Variants in LYZL4 observed in about 807,000 individuals in gnomAD.
LYZL4 encodes lysozyme-like protein 4.
Under a neutral mutation model 17.6 loss-of-function variants are expected in LYZL4, and 13 were observed. The observed-to-expected ratio is 0.74, with a 90% confidence interval of 0.48 to 1.18. LYZL4 has a LOEUF of 1.18. Ranked by LOEUF, LYZL4 falls within the 50% of genes most tolerant of loss-of-function variation. LYZL4 has a pLI of 0.00. For synonymous variants in LYZL4, 64 were observed against 67.7 expected (o/e 0.95, Z 0.27); for missense variants, 174 against 188.2 (o/e 0.92, Z 0.44).
At chr3:42,384,259 C>G in the LYZL4 span, among the ~76,000 whole-genome samples, 13 of 152,112 alleles carry the variant, frequency 8.5e-5, no homozygotes, top group African/African-American at 3.1e-4. Flanking sequence ...TTCAGACATG[C>G]AACATCTCAA....
the LYZL4 span, among the ~76,000 whole-genome samples, chr3:42,368,802 A>G: frequency 7.9e-5 from 12 of 152,220 alleles, no homozygotes; most frequent in Non-Finnish European, 1.5e-4. Context: ...TCTGTATATT[A>G]TCATTTAAAA....
chr3:42,403,630 C>A (rs1222071871), intron 4 of LYZL4, among the ~76,000 whole-genome samples: 1 of 152,090 alleles, frequency 6.6e-6, no homozygotes, highest in African/African-American at 2.4e-5. Context: ...TGCAGTAAAT[C>A]TACATTTTAC....
At chr3:42,379,794 T>C in the LYZL4 span, among the ~76,000 whole-genome samples, 26 of 152,184 alleles carry the variant, frequency 1.7e-4, no homozygotes. Flanking sequence ...AACTCATATG[T>C]TGAAATCCTA....
rs200997873 is a variant in LYZL4, at chr3:42,407,256, T to C, written c.-5A>G. The C allele has an allele frequency of 2.0e-5, 32 of 1,613,982 alleles. No individual in the cohort carries two copies. The African/African-American group carries it at 4.3e-4, about 22-fold the overall frequency. On this transcript the variant is annotated 5_prime_UTR_variant, in exon 2 of 5. Transcript: ENST00000287748. ...GAGAACCACGGATGCCTTCATCTTCTCCAGGCTCCTGGCAGGTCAGGGCAA... is the reference window on the plus strand; with the variant it reads ...GAGAACCACGGATGCCTTCATCTTCCCCAGGCTCCTGGCAGGTCAGGGCAA...
In LYZL4 at chr3:42,407,354, G is replaced by A; in HGVS notation, c.-92-11C>T. 4.0e-6 allele frequency: 6 copies of A among 1,499,436 alleles called. No homozygotes were observed. Among genetic ancestry groups the A allele is most frequent in the South Asian group, 3.7e-5 (3 of 80,962 alleles). 92.9% of individuals were successfully genotyped at this position (1,499,436 alleles called of 1,614,324 possible). A position where few individuals can be genotyped will look rare whatever the true frequency, so the allele number is the denominator to read the frequency against. On this transcript the variant is annotated splice_polypyrimidine_tract_variant and intron_variant, in intron 1 of 4. Coordinates refer to ENST00000287748, the MANE Select transcript of LYZL4 (RefSeq NM_144634.4). ...AGGGAAAGAAGGGCACTGTGGGGGT[G>A]GGGGTGGAGCACAGTTCAGTGTCAT...
At chr3:42,376,073 C>T in the LYZL4 span, among the ~76,000 whole-genome samples, 3 of 152,122 alleles carry the variant, frequency 2.0e-5, no homozygotes, top group Non-Finnish European at 4.4e-5. Context: ...AAGATTCTAC[C>T]CACATAAGGG....
downstream of LYZL4, among the ~76,000 whole-genome samples, chr3:42,393,588 A>G (rs528225679): frequency 6.6e-6 from 1 of 152,312 alleles, no homozygotes; most frequent in African/African-American, 2.4e-5. Flanking sequence ...TAAGTGGCAG[A>G]GCCAGGAACG....
intron 4 of LYZL4, among the ~76,000 whole-genome samples, chr3:42,399,914 C>T (rs1201731877): frequency 6.6e-6 from 1 of 150,550 alleles, no homozygotes; most frequent in Non-Finnish European, 1.5e-5. Flanking sequence ...TGAAAGTCAT[C>T]ACAGTTTTTG....
the LYZL4 span, among the ~76,000 whole-genome samples, chr3:42,388,072 CT>C: frequency 6.6e-5 from 10 of 152,004 alleles, no homozygotes; most frequent in African/African-American, 2.4e-4. Context: ...CTTTTCCCCC[CT>C]GTTCATTCAT....
chr3:42,403,996 A>T, intron 4 of LYZL4, 50 bp downstream of exon 4: 1 of 1,296,334 alleles, frequency 7.7e-7, no homozygotes, highest in Non-Finnish European at 1.1e-6. Flanking sequence ...CAGATTAGAG[A>T]TCATGAGTGA....
At chr3:42,388,583 G>A in the LYZL4 span, among the ~76,000 whole-genome samples, 1 of 152,226 alleles carries the variant, frequency 6.6e-6, no homozygotes, top group Admixed American at 6.5e-5. Flanking sequence ...AACGCTTCTT[G>A]AGATGCTCAG....
At chr3:42,393,931 A>T (rs1321368070), downstream of LYZL4, among the ~76,000 whole-genome samples, 1 of 152,160 alleles carries the variant, frequency 6.6e-6, no homozygotes, top group African/African-American at 2.4e-5. Context: ...AGCTGGGACT[A>T]TAGGCATCCA....
the LYZL4 span, among the ~76,000 whole-genome samples, chr3:42,387,314 G>A: frequency 6.6e-6 from 1 of 152,132 alleles, no homozygotes; most frequent in Non-Finnish European, 1.5e-5. Context: ...TTGCAATGAA[G>A]GACTTCATGA....
At chr3:42,369,427 G>A in the LYZL4 span, among the ~76,000 whole-genome samples, 1 of 152,212 alleles carries the variant, frequency 6.6e-6, no homozygotes, top group Non-Finnish European at 1.5e-5. Flanking sequence ...GCTGCCTCTG[G>A]AACCTGAAGT....
the LYZL4 span, among the ~76,000 whole-genome samples, chr3:42,388,273 G>A: frequency 6.6e-6 from 1 of 152,164 alleles, no homozygotes; most frequent in Admixed American, 6.5e-5. Flanking sequence ...CCAGTCCAAG[G>A]GTCAGATGTT....
chr3:42,402,634 T>C (rs1698677458), intron 4 of LYZL4, among the ~76,000 whole-genome samples: 2 of 152,206 alleles, frequency 1.3e-5, no homozygotes, highest in Non-Finnish European at 2.9e-5. Flanking sequence ...TGGTTGAGAA[T>C]GTGAAGCAAC....
At chr3:42,409,438 T>C (rs989130751) in intron 1 of LYZL4, among the ~76,000 whole-genome samples, 19 of 152,314 alleles carry the variant, frequency 1.2e-4, no homozygotes, top group South Asian at 2.1e-4. Flanking sequence ...GCATGTTTCA[T>C]TTCCCAACAG....
At chr3:42,378,960 T>C in the LYZL4 span, among the ~76,000 whole-genome samples, 4 of 152,136 alleles carry the variant, frequency 2.6e-5, no homozygotes, top group African/African-American at 9.7e-5. Flanking sequence ...AGGATTTGAG[T>C]CCAGAGCTTA....
Position 42,397,162 on chromosome 3 carries a change from T to C in LYZL4, c.*103A>G, listed in dbSNP as rs1698562232. On this transcript the variant is annotated 3_prime_UTR_variant, in exon 5 of 5. Transcript: ENST00000287748. ...TTTGTCTTTTTCCATCTGGAACTCTTAAAGTGGTGAGATCATCAAAAGGAT... is the reference window on the plus strand; with the variant it reads ...TTTGTCTTTTTCCATCTGGAACTCTCAAAGTGGTGAGATCATCAAAAGGAT... 1 of 831,614 alleles carries C rather than the reference T, an allele frequency of 1.2e-6. No homozygotes were observed. The highest frequency in any genetic ancestry group is 1.9e-6 in the Non-Finnish European group (1 of 524,630). The allele number at this position is 831,614 out of a possible 1,614,324, so 51.5% of individuals were successfully genotyped here.
Sources: allele counts gnomAD v4.1 joint callset (sites outside exome capture counted in the v4.1 genomes callset), GRCh38; gene constraint gnomAD v4.1.1; transcripts MANE v1.5; gene names NCBI Gene and HGNC (gene_info 2026-07-23, HGNC 2026-07-21).